The following CELF2 variants were observed in gnomAD, a reference collection of about 807,000 sequenced individuals.
The protein encoded by CELF2 is CUG triplet repeat RNA-binding protein 2.
A neutral mutation model predicts 62.6 loss-of-function variants in CELF2; 8 were observed. The observed-to-expected ratio is 0.13, with a 90% confidence interval of 0.07 to 0.23. The LOEUF (loss-of-function observed/expected upper bound fraction) is 0.23. CELF2 is among the 10% of genes least tolerant of loss of function. The pLI is 1.00. For synonymous variants in CELF2, 258 were observed against 250.0 expected (o/e 1.03, Z -0.30); for missense variants, 333 against 671.0 (o/e 0.50, Z 5.56).
chr10:10,475,433 G>A, the CELF2 span, among the ~76,000 whole-genome samples: 4 of 150,298 alleles, frequency 2.7e-5, no homozygotes, highest in East Asian at 2.0e-4. Context: ...TACCAACATC[G>A]CAATTATTGG....
At chr10:11,206,709 C>G (rs1421189929) in intron 2 of CELF2, among the ~76,000 whole-genome samples, 4 of 152,224 alleles carry the variant, frequency 2.6e-5, no homozygotes, top group Non-Finnish European at 5.9e-5. Flanking sequence ...TTCATTCTTC[C>G]TTACCTTCAG....
chr10:10,847,767 T>C (rs1337845456), intron 1 of CELF2, among the ~76,000 whole-genome samples: 1 of 152,206 alleles, frequency 6.6e-6, no homozygotes, highest in Non-Finnish European at 1.5e-5. Flanking sequence ...TTCTGATTCA[T>C]TTGGTCTGAG....
intron 2 of CELF2, among the ~76,000 whole-genome samples, chr10:10,984,564 C>T (rs752889359): frequency 1.3e-5 from 2 of 152,166 alleles, no homozygotes; most frequent in African/African-American, 2.4e-5. Flanking sequence ...GAAAGGTACA[C>T]TTTGAGGATA....
At chr10:11,218,796 CTT>C (rs563779122) in intron 3 of CELF2, among the ~76,000 whole-genome samples, 63 of 152,222 alleles carry the variant, frequency 4.1e-4, no homozygotes, top group African/African-American at 1.5e-3. Context: ...CACTCAGTGA[CTT>C]TAAAAAAATT....
chr10:11,006,177 T>C (rs1246173705), intron 1 of CELF2, among the ~76,000 whole-genome samples: 1 of 152,206 alleles, frequency 6.6e-6, no homozygotes, highest in East Asian at 1.9e-4. Flanking sequence ...GAATACATCT[T>C]TGGGTCTGAC....
At chr10:10,721,413 A>C in the CELF2 span, among the ~76,000 whole-genome samples, 1 of 152,236 alleles carries the variant, frequency 6.6e-6, no homozygotes, top group Non-Finnish European at 1.5e-5. Context: ...TCTCTTTAGA[A>C]AAGTAATTGG....
At chr10:10,804,349 G>A (rs894805021) in intron 1 of CELF2, among the ~76,000 whole-genome samples, 2 of 152,192 alleles carry the variant, frequency 1.3e-5, no homozygotes, top group African/African-American at 2.4e-5. Flanking sequence ...ACACTGGGCT[G>A]GATATGGCCC....
At chr10:10,783,896 G>C in the CELF2 span, among the ~76,000 whole-genome samples, 1 of 152,120 alleles carries the variant, frequency 6.6e-6, no homozygotes, top group Non-Finnish European at 1.5e-5. Flanking sequence ...GCTGAGGCAG[G>C]AGAATTGCTT....
chr10:10,484,756 C>A, the CELF2 span, among the ~76,000 whole-genome samples: 1 of 151,916 alleles, frequency 6.6e-6, no homozygotes, highest in Non-Finnish European at 1.5e-5. Context: ...GATGATGAAC[C>A]TAAAAATTAA....
chr10:10,532,166 G>A, the CELF2 span, among the ~76,000 whole-genome samples: 5 of 152,268 alleles, frequency 3.3e-5, no homozygotes, highest in Non-Finnish European at 7.3e-5. Flanking sequence ...GGTTTGAGAA[G>A]TGCTCAAGTG....
chr10:10,645,033 G>A, the CELF2 span, among the ~76,000 whole-genome samples: 2 of 152,148 alleles, frequency 1.3e-5, no homozygotes, highest in African/African-American at 4.8e-5. Context: ...AACCAAAAAC[G>A]AAAATATCCT....
the CELF2 span, among the ~76,000 whole-genome samples, chr10:10,468,445 G>T: frequency 2.6e-5 from 4 of 152,052 alleles, no homozygotes; most frequent in South Asian, 8.3e-4. Context: ...ATTCCTCAAA[G>T]AAATGCTTCA....
chr10:10,905,927 C>T (rs1008600861), intron 1 of CELF2, among the ~76,000 whole-genome samples: 8 of 150,540 alleles, frequency 5.3e-5, no homozygotes, highest in African/African-American at 1.5e-4. Context: ...AATACTTAGC[C>T]GGGCATGGTG....
the CELF2 span, among the ~76,000 whole-genome samples, chr10:10,701,529 T>C: frequency 6.6e-6 from 1 of 152,242 alleles, no homozygotes; most frequent in Non-Finnish European, 1.5e-5. Flanking sequence ...GTATGCGTCC[T>C]TTCAATTTTA....
At chr10:10,765,047 C>T in the CELF2 span, among the ~76,000 whole-genome samples, 2 of 152,154 alleles carry the variant, frequency 1.3e-5, no homozygotes, top group Non-Finnish European at 2.9e-5. Flanking sequence ...GGGCAGGCTA[C>T]TAGTACCACC....
the CELF2 span, among the ~76,000 whole-genome samples, chr10:10,474,798 A>G: frequency 6.6e-6 from 1 of 152,000 alleles, no homozygotes; most frequent in African/African-American, 2.4e-5. Flanking sequence ...AGTAGACTGT[A>G]CTCTCTCTAC....
chr10:10,805,542 G>A (rs1024595432), intron 1 of CELF2, among the ~76,000 whole-genome samples: 6 of 152,128 alleles, frequency 3.9e-5, no homozygotes, highest in South Asian at 2.1e-4. Flanking sequence ...TTTACGAGGC[G>A]GGCACTTGAA....
At chr10:11,298,344 T>C (rs1249830395) in intron 9 of CELF2, among the ~76,000 whole-genome samples, 1 of 152,180 alleles carries the variant, frequency 6.6e-6, no homozygotes, top group Non-Finnish European at 1.5e-5. Flanking sequence ...CAAATCTGAA[T>C]CAGGGCTGAG....
At chr10:11,047,212 T>G (rs2063018297) in intron 1 of CELF2, among the ~76,000 whole-genome samples, 2 of 152,176 alleles carry the variant, frequency 1.3e-5, no homozygotes, top group Non-Finnish European at 2.9e-5. Flanking sequence ...ATTAAAGACC[T>G]GTAAATATCT....
Sources: allele counts gnomAD v4.1 joint callset (sites outside exome capture counted in the v4.1 genomes callset), GRCh38; gene constraint gnomAD v4.1.1; transcripts MANE v1.5; gene names NCBI Gene and HGNC (gene_info 2026-07-23, HGNC 2026-07-21).